Variants in ZDHHC17 observed in about 807,000 individuals in gnomAD.
The protein encoded by ZDHHC17 is palmitoyltransferase ZDHHC17.
In ZDHHC17, 40 loss-of-function variants were observed where a neutral mutation model predicts 90.3. The observed-to-expected ratio is 0.44, with a 90% CI of 0.34 to 0.58. The LOEUF (loss-of-function observed/expected upper bound fraction) is 0.58, where lower values mean the gene tolerates loss of function less well. Among genes scored for constraint, ZDHHC17 ranks in the 20% least tolerant of loss-of-function variants. The probability of loss-of-function intolerance (pLI) is 0.01; values close to 1 mark genes in which losing one functional copy is unlikely to be tolerated. For missense variants in ZDHHC17, 614 were observed against 780.8 expected (o/e 0.79, Z 2.55); for synonymous variants, 235 against 252.4 (o/e 0.93, Z 0.65).
At chr12:76,797,393 T>C (rs376658549) in intron 1 of ZDHHC17, 41 bp from the exon 2 acceptor site, 18 of 1,449,038 alleles carry the variant, frequency 1.2e-5, no homozygotes, top group East Asian at 9.3e-5. Context: ...TCTGTACCTC[T>C]TTTTTCAATT....
chr12:76,848,244 C>T lies in ZDHHC17; in HGVS notation c.1519C>T (p.His507Tyr), dbSNP rs1953518835. 1.2e-6 allele frequency: 2 copies of T among 1,613,854 alleles called. No individual in the cohort carries two copies. The highest frequency in any genetic ancestry group is 1.7e-5 in the Admixed American group (1 of 60,026). The part of the protein sequence containing the change: ...IYGCISYWGL[H>Y]CETTYTKDGF... ...TGTTCTGGCTTTAGACTGGGGACTC[C>T]ACTGTGAGACCACTTACACCAAGGA... The change falls in exon 15 of 17, where the codon CAC (histidine) becomes TAC (tyrosine). Residue 507 changes from histidine (H) to tyrosine (Y), a missense_variant. His to Tyr is a moderately conservative substitution (Grantham distance 83, BLOSUM62 2). Transcript: ENST00000426126.
chr12:76,812,428 C>G (rs11115520), intron 5 of ZDHHC17, among the ~76,000 whole-genome samples: 1,678 of 152,208 alleles, frequency 0.011, 11 homozygotes, highest in Non-Finnish European at 0.017. Context: ...CAGTTTCTCT[C>G]TCTCTCTTCA....
At chr12:76,803,769 G>A (rs557369872) in intron 2 of ZDHHC17, among the ~76,000 whole-genome samples, 41 of 152,284 alleles carry the variant, frequency 2.7e-4, no homozygotes, top group African/African-American at 9.6e-4. Context: ...TTTAAGGCCC[G>A]AAACCAAATA....
At chr12:76,822,701 C>T (rs1287184633) in intron 8 of ZDHHC17, among the ~76,000 whole-genome samples, 170 bp downstream of exon 8, 1 of 150,988 alleles carries the variant, frequency 6.6e-6, no homozygotes, top group Non-Finnish European at 1.5e-5. Flanking sequence ...ATTACAGGTG[C>T]CCATCACCAT....
intron 1 of ZDHHC17, among the ~76,000 whole-genome samples, chr12:76,793,990 T>C (rs138767866): frequency 0.041 from 6,271 of 152,138 alleles, 226 homozygotes; most frequent in East Asian, 0.16. Context: ...GGTTCATGCC[T>C]TTCTCCTGCC....
intron 8 of ZDHHC17, among the ~76,000 whole-genome samples, chr12:76,824,447 A>C (rs1163598939): frequency 6.6e-6 from 1 of 152,160 alleles, no homozygotes; most frequent in Non-Finnish European, 1.5e-5. Context: ...GAGATTAAGC[A>C]TCTGTAATTA....
Position 76,842,985 on chromosome 12 carries a change from G to A in ZDHHC17, c.1329+4G>A. 6.2e-7 allele frequency: 1 copy of A among 1,608,084 alleles called. No individual in the cohort carries two copies. Among genetic ancestry groups the A allele is most frequent in the Non-Finnish European group, 8.5e-7 (1 of 1,176,314 alleles). ...TATATTCTGCAGTACCTGTTTGGTA[G>A]TATTTTCTTCTTTGTTCTTCCCTCC... On this transcript the variant is annotated splice_donor_region_variant and intron_variant, in intron 12 of 16. Transcript: ENST00000426126.
At chr12:76,803,761 T>G (rs894337892) in intron 2 of ZDHHC17, among the ~76,000 whole-genome samples, 2 of 152,194 alleles carry the variant, frequency 1.3e-5, no homozygotes, top group East Asian at 3.9e-4. Flanking sequence ...ATGATGAATT[T>G]AAGGCCCGAA....
At chr12:76,809,014 T>C in intron 3 of ZDHHC17, 29 bp from the exon 4 acceptor site, 3 of 1,353,798 alleles carry the variant, frequency 2.2e-6, no homozygotes, top group Non-Finnish European at 2.9e-6. Context: ...ATGAAAGTTA[T>C]TTAAATTATT....
At chr12:76,845,834 T>C (rs1483284878) in intron 13 of ZDHHC17, 32 bp downstream of exon 13, 6 of 1,210,520 alleles carry the variant, frequency 5.0e-6, no homozygotes, top group Non-Finnish European at 7.3e-6. Flanking sequence ...TTCTGTATCA[T>C]TCATTTAAGT....
intron 1 of ZDHHC17, among the ~76,000 whole-genome samples, chr12:76,784,766 T>C (rs1017037583): frequency 2.0e-5 from 3 of 152,186 alleles, no homozygotes; most frequent in African/African-American, 7.2e-5. Context: ...TTTGAAGAAT[T>C]GTAACAGGAG....
chr12:76,831,630 G>T (rs1451352021), intron 10 of ZDHHC17, among the ~76,000 whole-genome samples: 1 of 152,116 alleles, frequency 6.6e-6, no homozygotes, highest in Non-Finnish European at 1.5e-5. Flanking sequence ...GATTACAGGC[G>T]TGAGCCACTG....
At chr12:76,834,723 A>G (rs893926073) in intron 10 of ZDHHC17, among the ~76,000 whole-genome samples, 3 of 152,188 alleles carry the variant, frequency 2.0e-5, no homozygotes, top group African/African-American at 7.2e-5. Flanking sequence ...GCATTTGACT[A>G]CTGTAAATGA....
chr12:76,842,719 T>C (rs1479225182), intron 11 of ZDHHC17, among the ~76,000 whole-genome samples, 200 bp from the exon 12 acceptor site: 1 of 152,116 alleles, frequency 6.6e-6, no homozygotes, highest in Non-Finnish European at 1.5e-5. Context: ...AATCCCCTTT[T>C]TTCTGGGCAG....
chr12:76,815,068 A>G (rs1953068169), intron 5 of ZDHHC17, 78 bp from the exon 6 acceptor site: 6 of 921,336 alleles, frequency 6.5e-6, no homozygotes, highest in Non-Finnish European at 9.9e-6. Context: ...TTTTATATAT[A>G]GATTAGATTT....
intron 3 of ZDHHC17, among the ~76,000 whole-genome samples, chr12:76,806,467 A>C (rs1284333295): frequency 6.6e-6 from 1 of 152,106 alleles, no homozygotes; most frequent in Non-Finnish European, 1.5e-5. Context: ...CAAGGACCAG[A>C]GGGTTTAAAT....
chr12:76,771,330 T>A (rs1952489995), intron 1 of ZDHHC17, among the ~76,000 whole-genome samples: 1 of 152,220 alleles, frequency 6.6e-6, no homozygotes, highest in Admixed American at 6.5e-5. Context: ...TTACAGAGAA[T>A]TAAACAATAC....
chr12:76,801,814 G>T (rs1180931231), intron 2 of ZDHHC17, among the ~76,000 whole-genome samples: 1 of 152,094 alleles, frequency 6.6e-6, no homozygotes, highest in Non-Finnish European at 1.5e-5. Flanking sequence ...TGTATACATT[G>T]TATTTCCAAC....
intron 1 of ZDHHC17, among the ~76,000 whole-genome samples, chr12:76,790,750 A>T (rs535893167): frequency 6.6e-6 from 1 of 152,140 alleles, no homozygotes. Context: ...TCATGTTCTC[A>T]CCCATACATG....
Sources: gnomAD v4.1 joint callset for allele counts (sites outside exome capture counted in the v4.1 genomes callset) on GRCh38, gnomAD v4.1.1 for gene constraint, MANE v1.5 for transcripts, NCBI Gene and HGNC (gene_info 2026-07-23, HGNC 2026-07-21) for gene names.